The following AMY2A variants were observed in gnomAD, a reference collection of about 807,000 sequenced individuals.
AMY2A encodes the protein pancreatic alpha-amylase.
AMY2A carries 16 observed loss-of-function variants against 43.0 expected under a neutral mutation model. That is an observed-to-expected ratio of 0.37 (90% CI 0.25 to 0.56). The LOEUF (loss-of-function observed/expected upper bound fraction) is 0.56, where lower values mean the gene tolerates loss of function less well. Ranked by LOEUF, AMY2A falls within the 20% of genes least tolerant of loss-of-function variation. AMY2A has a pLI of 0.77. For missense variants in AMY2A, 212 were observed against 456.8 expected, an observed-to-expected ratio of 0.46 and a Z score of 4.89; for synonymous variants, 70 against 144.6, an observed-to-expected ratio of 0.48 and a Z score of 3.70.
At chr1:103,617,644 C>T (rs1306939801) in intron 1 of AMY2A, 36 bp downstream of exon 1, 1 of 1,600,922 alleles carries the variant, frequency 6.2e-7, no homozygotes. Context: ...GCGGAATTCA[C>T]TGTGCTTGTA....
chr1:103,618,167 C>T (rs1248953369), intron 2 of AMY2A, 67 bp downstream of exon 2: 1 of 1,534,614 alleles, frequency 6.5e-7, no homozygotes, highest in Non-Finnish European at 8.8e-7. Context: ...TTCTTTCTTG[C>T]TCCTTTTCAG....
chr1:103,617,617 G>C lies in AMY2A; in HGVS notation c.168+9G>C. The C allele has an allele frequency of 6.2e-7, 1 of 1,600,960 alleles. No homozygotes were observed. Among genetic ancestry groups the C allele is most frequent in the Non-Finnish European group, 8.5e-7 (1 of 1,170,886 alleles). ...GATTTGGAGGGGTTCAGGTGGGTAT[G>C]ATTCATAGTATCAATTGCGGAATTC... is the stretch of plus-strand genomic sequence containing the variant. On this transcript the variant is annotated intron_variant, in intron 1 of 9. Coordinates refer to ENST00000414303, the MANE Select transcript of AMY2A (RefSeq NM_000699.4).
intron 4 of AMY2A, among the ~76,000 whole-genome samples, chr1:103,619,989 T>A (rs1202670891): frequency 6.6e-6 from 1 of 151,556 alleles, no homozygotes; most frequent in South Asian, 2.1e-4. Flanking sequence ...TGTAGGATAC[T>A]GATAATAGTT....
At chr1:103,616,849 G>C (rs1025348540), upstream of AMY2A, 14 of 347,958 alleles carry the variant, frequency 4.0e-5, no homozygotes, top group Non-Finnish European at 5.9e-5. Context: ...TCTCTGATCT[G>C]TACAGGGTAT....
At chr1:103,623,173 A>G (rs1266923670) in intron 7 of AMY2A, among the ~76,000 whole-genome samples, 1 of 104,558 alleles carries the variant, frequency 9.6e-6, no homozygotes, top group African/African-American at 3.9e-5. Context: ...CATTTTACAA[A>G]TGAAGAAACT....
At chr1:103,617,709 G>GT in intron 1 of AMY2A, 101 bp downstream of exon 1, 4 of 1,584,844 alleles carry the variant, frequency 2.5e-6, no homozygotes, top group Non-Finnish European at 3.4e-6. Flanking sequence ...TACTTCACAG[G>GT]TAAGTATTCT....
At chr1:103,616,824 C>T (rs906230745), upstream of AMY2A, 3 of 241,430 alleles carry the variant, frequency 1.2e-5, no homozygotes, top group Non-Finnish European at 6.8e-6. Context: ...CTCGGTGAGT[C>T]TGTGCGGCCA....
At chr1:103,618,121 T>A in intron 2 of AMY2A, 21 bp downstream of exon 2, 1 of 1,589,764 alleles carries the variant, frequency 6.3e-7, no homozygotes, top group Non-Finnish European at 8.6e-7. Flanking sequence ...TCTAGTTTCC[T>A]TTAAAAATAA....
Position 103,619,112 on chromosome 1 carries a change from AT to A in AMY2A, c.513+11del, listed in dbSNP as rs753219435. ...GAACTACAATGATGCTACTCAGGTA[AT>A]TTTTTTACGAGAGTGATCTGAATAA... On this transcript the variant is annotated splice_donor_5th_base_variant and intron_variant, in intron 3 of 9. Coordinates refer to ENST00000414303, the MANE Select transcript of AMY2A (RefSeq NM_000699.4). 15 of 993,166 alleles carry A rather than the reference AT, an allele frequency of 1.5e-5. No individual in the cohort carries two copies. Among genetic ancestry groups the A allele is most frequent in the Non-Finnish European group, 2.0e-5 (14 of 697,022 alleles). The allele number at this position is 993,166 out of a possible 1,614,324, so 61.5% of individuals were successfully genotyped here.
At chr1:103,617,129 A>G (rs1653097801), upstream of AMY2A, 2 of 965,608 alleles carry the variant, frequency 2.1e-6, no homozygotes, top group East Asian at 4.1e-5. Context: ...TAAAGAGATG[A>G]CAACAAATTT....
upstream of AMY2A, chr1:103,617,281 G>A: frequency 7.1e-7 from 1 of 1,403,138 alleles, no homozygotes; most frequent in South Asian, 1.4e-5. Flanking sequence ...ACTTTTTGAT[G>A]TTCTTTACCT....
Position 103,617,907 on chromosome 1 carries a change from C to A in AMY2A, c.169-47C>A, listed in dbSNP as rs762633615. The A allele has an allele frequency of 1.0e-5, 16 of 1,598,576 alleles. 2 individuals are homozygous for A. The highest frequency in any genetic ancestry group is 4.0e-5 in the African/African-American group (3 of 74,590). Reference sequence around the variant, plus strand: ...TTAGTTTCTAGAACATTCAATGATACACAGTAAGACAGAATTTGGTACTTA... The same window carrying A: ...TTAGTTTCTAGAACATTCAATGATAAACAGTAAGACAGAATTTGGTACTTA... On this transcript the variant is annotated intron_variant, in intron 1 of 9. Transcript: ENST00000414303.
chr1:103,617,519 T>G lies in AMY2A; in HGVS notation c.79T>G (p.Ser27Ala). 6.2e-7 allele frequency: 1 copy of G among 1,600,808 alleles called. No individual in the cohort carries two copies. The highest frequency in any genetic ancestry group is 1.3e-5 in the African/African-American group (1 of 74,756). The change falls in exon 1 of 10, where the codon TCT becomes GCT. Residue 27 changes from serine to alanine, a missense_variant. This residue lies in a region of AMY2A where 199 missense variants were observed against 210.6 expected (regional missense o/e 0.94). Coordinates refer to ENST00000414303, the MANE Select transcript of AMY2A (RefSeq NM_000699.4). ...YSPNTQQGRTSIVHLFEWRWV... is the reference protein window; with the variant it reads ...YSPNTQQGRTAIVHLFEWRWV... ...CCCAAATACACAACAAGGACGGACA[T>G]CTATTGTTCATCTGTTTGAATGGCG...
chr1:103,617,232 T>C (rs1474003196), upstream of AMY2A: 3 of 1,185,902 alleles, frequency 2.5e-6, no homozygotes, highest in East Asian at 5.2e-5. Context: ...AAGAAAAACA[T>C]TAATATCTAA....
intron 2 of AMY2A, 30 bp downstream of exon 2, chr1:103,618,130 A>G (rs370582410): frequency 1.3e-6 from 2 of 1,586,782 alleles, no homozygotes; most frequent in African/African-American, 1.3e-5. Context: ...CTTTAAAAAT[A>G]ACAGACAGGA....
At chr1:103,616,703 T>C (rs909486694), upstream of AMY2A, 3 of 151,296 alleles carry the variant, frequency 2.0e-5, no homozygotes, top group African/African-American at 7.3e-5. Flanking sequence ...TGACCTTGTA[T>C]TCAAGTTAAC....
intron 2 of AMY2A, among the ~76,000 whole-genome samples, chr1:103,618,445 C>T (rs1653142619): frequency 1.3e-5 from 2 of 150,616 alleles, no homozygotes; most frequent in African/African-American, 2.4e-5. Flanking sequence ...TGACTTGTGT[C>T]TCCATCCGTA....
chr1:103,624,879 T>C (rs1348967746), intron 9 of AMY2A, among the ~76,000 whole-genome samples: 6 of 131,122 alleles, frequency 4.6e-5, no homozygotes, highest in Non-Finnish European at 1.0e-4. Flanking sequence ...TCAGAAGACC[T>C]TGGTGTAAAC....
At chr1:103,617,038 G>T (rs1653095073), upstream of AMY2A, 2 of 1,018,708 alleles carry the variant, frequency 2.0e-6, no homozygotes, top group African/African-American at 1.7e-5. Flanking sequence ...CCTTGAGTTG[G>T]AAGGGGTTCG....
Sources: allele counts gnomAD v4.1 joint callset (sites outside exome capture counted in the v4.1 genomes callset), GRCh38; gene constraint gnomAD v4.1.1; regional missense constraint gnomAD v4.1.1; transcripts MANE v1.5; gene names NCBI Gene and HGNC (gene_info 2026-07-23, HGNC 2026-07-21).